The following HELQ variants were observed in gnomAD, a reference collection of about 807,000 sequenced individuals.
The protein encoded by HELQ is helicase POLQ-like.
Under a neutral mutation model 111.6 loss-of-function variants are expected in HELQ, and 77 were observed. The observed-to-expected ratio is 0.69, with a 90% CI of 0.57 to 0.83. The LOEUF (loss-of-function observed/expected upper bound fraction) is 0.83. Among genes scored for constraint, HELQ ranks in the 40% least tolerant of loss-of-function variants. The pLI, the probability that HELQ is intolerant of heterozygous loss-of-function variation, is 0.00. For synonymous variants in HELQ, 438 were observed against 454.7 expected (o/e 0.96, Z 0.47); for missense variants, 1,200 against 1,288.5 (o/e 0.93, Z 1.05).
At chr4:83,423,065 C>T (rs1301465766) in intron 14 of HELQ, among the ~76,000 whole-genome samples, 2 of 151,992 alleles carry the variant, frequency 1.3e-5, no homozygotes, top group East Asian at 3.9e-4. Context: ...GATTTCATAG[C>T]TAGCTTAGAA....
At chr4:83,439,624 G>T (rs1185165942) in intron 8 of HELQ, among the ~76,000 whole-genome samples, 1 of 152,156 alleles carries the variant, frequency 6.6e-6, no homozygotes, top group African/African-American at 2.4e-5. Context: ...GCCTCCCAAA[G>T]TGCTGGGATT....
At position 83,455,649 on chromosome 4, in the gene HELQ, G is replaced by T; in HGVS notation, c.45C>A (p.Pro15=). Residue 15 remains proline (P), a synonymous_variant, in exon 1 of 18, where the codon CCC becomes CCA. Coordinates refer to ENST00000295488, the MANE Select transcript of HELQ (RefSeq NM_133636.5). Reference sequence around the variant, plus strand: ...ACCCCAAGCTTGGACGGTTCCTTTTGGGGAGAGACACCCGCCGGCGGATGC... The same window carrying T: ...ACCCCAAGCTTGGACGGTTCCTTTTTGGGAGAGACACCCGCCGGCGGATGC... ...GSRIRRRVSL[P]KRNRPSLGCI... 1 of 1,612,880 alleles carries T rather than the reference G, an allele frequency of 6.2e-7. No individual in the cohort carries two copies. Among genetic ancestry groups the T allele is most frequent in the Non-Finnish European group, 8.5e-7 (1 of 1,179,982 alleles).
intron 14 of HELQ, among the ~76,000 whole-genome samples, chr4:83,422,684 CT>C (rs1397254868): frequency 2.0e-5 from 3 of 152,144 alleles, no homozygotes; most frequent in South Asian, 2.1e-4. Flanking sequence ...GACTTTTGGT[CT>C]CCTGAACTGT....
At chr4:83,422,310 T>C (rs1380456133) in intron 14 of HELQ, among the ~76,000 whole-genome samples, 1 of 152,206 alleles carries the variant, frequency 6.6e-6, no homozygotes, top group Non-Finnish European at 1.5e-5. Context: ...GAAGGAATTG[T>C]ACCCCCTCTC....
Position 83,443,591 on chromosome 4 carries a change from T to C in HELQ, c.1489A>G (p.Ser497Gly). The change falls in exon 6 of 18, where the codon AGT becomes GGT. Residue 497 changes from serine to glycine, a missense_variant. Ser to Gly is a moderately conservative substitution (Grantham distance 56, BLOSUM62 0). This residue lies in a region of HELQ where 610 missense variants were observed against 607.1 expected (regional missense o/e 1.00). Transcript: ENST00000295488. ...TSKTTQIIGMSATLNNVEDLQ... is the reference protein window; with the variant it reads ...TSKTTQIIGMGATLNNVEDLQ... ...TCTTCAACATTGTTTAATGTTGCACTCATACCAATAATTTGAGTCGTTTCT... is the reference window on the plus strand; with the variant it reads ...TCTTCAACATTGTTTAATGTTGCACCCATACCAATAATTTGAGTCGTTTCT... The C allele has an allele frequency of 6.4e-7, 1 of 1,567,946 alleles. No individual in the cohort carries two copies. Among genetic ancestry groups the C allele is most frequent in the Non-Finnish European group, 8.7e-7 (1 of 1,145,736 alleles).
At chr4:83,410,714 GATT>G (rs1739040066) in intron 17 of HELQ, among the ~76,000 whole-genome samples, 1 of 152,142 alleles carries the variant, frequency 6.6e-6, no homozygotes, top group African/African-American at 2.4e-5. Flanking sequence ...TAGCCTTTGT[GATT>G]CACTTATAAC....
chr4:83,416,963 A>G, intron 16 of HELQ, 98 bp from the exon 17 acceptor site: 1 of 1,024,602 alleles, frequency 9.8e-7, no homozygotes, highest in South Asian at 1.7e-5. Context: ...CATGTAAGAG[A>G]CTGGGATAAA....
At chr4:83,425,535 G>A (rs1373008200) in intron 14 of HELQ, among the ~76,000 whole-genome samples, 1 of 152,098 alleles carries the variant, frequency 6.6e-6, no homozygotes, top group Non-Finnish European at 1.5e-5. Flanking sequence ...ACACCAACGA[G>A]TATTAGCTTA....
chr4:83,424,411 C>CT (rs1719732289), intron 14 of HELQ, among the ~76,000 whole-genome samples: 1 of 152,190 alleles, frequency 6.6e-6, no homozygotes, highest in Non-Finnish European at 1.5e-5. Context: ...AACATGAATG[C>CT]TTAAGTACTA....
intron 2 of HELQ, among the ~76,000 whole-genome samples, chr4:83,449,264 TA>T (rs1162727349): frequency 6.6e-6 from 1 of 152,172 alleles, no homozygotes; most frequent in African/African-American, 2.4e-5. Flanking sequence ...CCATCTGAGA[TA>T]TCAGAGGAAC....
intron 1 of HELQ, among the ~76,000 whole-genome samples, chr4:83,454,150 C>A (rs1014985764): frequency 6.6e-6 from 1 of 152,160 alleles, no homozygotes; most frequent in East Asian, 1.9e-4. Context: ...TTGCGGTAAG[C>A]CCAGATCGCG....
chr4:83,448,012 C>A (rs1251054221), intron 3 of HELQ, among the ~76,000 whole-genome samples: 1 of 151,780 alleles, frequency 6.6e-6, no homozygotes, highest in Non-Finnish European at 1.5e-5. Context: ...AAGTTCGAGA[C>A]CAGCCTGTCC....
In HELQ at chr4:83,416,857, T is replaced by G; in HGVS notation, c.3072A>C (p.Ala1024=). The G allele has an allele frequency of 4.4e-6, 7 of 1,602,416 alleles. No individual in the cohort carries two copies. Among genetic ancestry groups the G allele is most frequent in the Non-Finnish European group, 6.0e-6 (7 of 1,176,212 alleles). The change falls in exon 17 of 18, where the codon GCA becomes GCC. Residue 1024 remains alanine, a synonymous_variant. Transcript: ENST00000295488. Reference sequence around the variant, plus strand: ...TGTAACCTGCACTGTATAACTGTTTTGCTCGACCCTGAAAAGTGTTACAAA... The same window carrying G: ...TGTAACCTGCACTGTATAACTGTTTGGCTCGACCCTGAAAAGTGTTACAAA... ...MEVTGVLEGR[A]KQLYSAGYKS... is the part of the protein sequence containing the mutation.
At chr4:83,450,648 A>T (rs1721310939) in intron 2 of HELQ, among the ~76,000 whole-genome samples, 1 of 150,230 alleles carries the variant, frequency 6.7e-6, no homozygotes, top group Non-Finnish European at 1.5e-5. Flanking sequence ...AATATTTATG[A>T]ATACAATCTT....
At chr4:83,446,727 T>C (rs1677907542) in intron 4 of HELQ, 108 bp downstream of exon 4, 1 of 636,750 alleles carries the variant, frequency 1.6e-6, no homozygotes, top group Admixed American at 2.8e-5. Flanking sequence ...TTCAAATAAA[T>C]TTATTTTTAT....
chr4:83,440,959 TG>T (rs1720726036), intron 7 of HELQ, among the ~76,000 whole-genome samples: 1 of 152,230 alleles, frequency 6.6e-6, no homozygotes, highest in Non-Finnish European at 1.5e-5. Context: ...AGCTCACTAA[TG>T]GGATGTGTGC....
chr4:83,455,792 C>A lies in HELQ; in HGVS notation c.-99G>T. 1 of 1,230,688 alleles carries A rather than the reference C, an allele frequency of 8.1e-7. No homozygotes were observed. The highest frequency in any genetic ancestry group is 1.4e-5 in the South Asian group (1 of 73,134). The allele number at this position is 1,230,688 out of a possible 1,614,324, so 76.2% of individuals were successfully genotyped here. On this transcript the variant is annotated 5_prime_UTR_variant, in exon 1 of 18. Transcript: ENST00000295488. Reference sequence around the variant, plus strand: ...GGGACGCCGGAGCCCGCTTCTACATCCACCTTGGGAAAAGACCCCAAGTTA... The same window carrying A: ...GGGACGCCGGAGCCCGCTTCTACATACACCTTGGGAAAAGACCCCAAGTTA...
intron 9 of HELQ, among the ~76,000 whole-genome samples, chr4:83,433,443 G>A (rs934196954): frequency 7.2e-5 from 11 of 152,022 alleles, no homozygotes; most frequent in Non-Finnish European, 2.9e-5. Context: ...TGAGGGGGGC[G>A]GATCACGAGG....
intron 15 of HELQ, among the ~76,000 whole-genome samples, chr4:83,421,211 C>T (rs1419630843): frequency 6.6e-6 from 1 of 152,182 alleles, no homozygotes; most frequent in Non-Finnish European, 1.5e-5. Flanking sequence ...ATTTTTATTA[C>T]TCAGGTGAAA....
Sources: gnomAD v4.1 joint callset for allele counts (sites outside exome capture counted in the v4.1 genomes callset) on GRCh38, gnomAD v4.1.1 for gene constraint, gnomAD v4.1.1 regional missense constraint, MANE v1.5 for transcripts, NCBI Gene and HGNC (gene_info 2026-07-23, HGNC 2026-07-21) for gene names.